The following ACOXL variants were observed in gnomAD, a reference collection of about 807,000 sequenced individuals.
ACOXL encodes the protein acyl-CoA oxidase like, also known as acyl-coenzyme A oxidase-like protein.
A neutral mutation model predicts 71.9 loss-of-function variants in ACOXL; 70 were observed. The observed-to-expected ratio is 0.97, with a 90% confidence interval of 0.80 to 1.19. The LOEUF is 1.19. Among genes scored for constraint, ACOXL ranks in the 50% most tolerant of loss-of-function variants. The pLI is 0.00. For synonymous variants in ACOXL, 253 were observed against 281.6 expected (o/e 0.90, Z 1.02); for missense variants, 703 against 736.3 (o/e 0.95, Z 0.52).
At chr2:111,082,024 A>G (rs2067950501) in intron 16 of ACOXL, among the ~76,000 whole-genome samples, 1 of 152,250 alleles carries the variant, frequency 6.6e-6, no homozygotes, top group African/African-American at 2.4e-5. Context: ...TTAACTCAAG[A>G]TGGATTAAAG....
chr2:110,976,139 C>A (rs1485076256), intron 12 of ACOXL, among the ~76,000 whole-genome samples: 1 of 152,130 alleles, frequency 6.6e-6, no homozygotes, highest in East Asian at 1.9e-4. Flanking sequence ...CAAAGAAAGG[C>A]CTCAAAACCC....
At chr2:111,035,747 ACTTT>A (rs1386006340) in intron 15 of ACOXL, among the ~76,000 whole-genome samples, 1 of 152,224 alleles carries the variant, frequency 6.6e-6, no homozygotes, top group Non-Finnish European at 1.5e-5. Context: ...TTGAAACAAG[ACTTT>A]CTTTGTTAAT....
intron 14 of ACOXL, among the ~76,000 whole-genome samples, chr2:111,030,377 C>T (rs2065209012): frequency 1.3e-5 from 2 of 152,210 alleles, no homozygotes; most frequent in Non-Finnish European, 2.9e-5. Flanking sequence ...GATATCAATT[C>T]AGGGAGCAAA....
chr2:110,750,950 T>A (rs78986398), intron 1 of ACOXL, among the ~76,000 whole-genome samples: 8,188 of 152,062 alleles, frequency 0.054, 353 homozygotes, highest in African/African-American at 0.11. Flanking sequence ...CTCCCAAAGT[T>A]CTGGGATTAC....
intron 11 of ACOXL, among the ~76,000 whole-genome samples, chr2:110,932,191 C>T (rs1380109500): frequency 2.0e-5 from 3 of 152,170 alleles, no homozygotes; most frequent in Non-Finnish European, 1.5e-5. Flanking sequence ...CTCTGCAATT[C>T]CATTTACTTA....
At chr2:111,071,142 A>G (rs1026057393) in intron 16 of ACOXL, among the ~76,000 whole-genome samples, 4 of 152,096 alleles carry the variant, frequency 2.6e-5, no homozygotes, top group African/African-American at 9.7e-5. Context: ...ACACAAGACT[A>G]TTGAGCAGGT....
Position 111,052,250 on chromosome 2 carries a change from C to T in ACOXL, c.1440+2962C>T, listed in dbSNP as rs1225508680. Among the ~76,000 whole-genome samples the T allele has an allele frequency of 3.3e-5, 5 of 152,166 alleles. No individual in the cohort carries two copies. The South Asian group carries it at 1.0e-3, about 32-fold the overall frequency. On this transcript the variant is annotated intron_variant, in intron 16 of 17. Transcript: ENST00000439055. The stretch of plus-strand genomic sequence containing the variant: ...GAAAGCTGGGCTTCTTCCTGCGGGG[C>T]CCACTCAGATGAGCAAATTCATAGA...
rs762689704 is a variant in ACOXL at position 110,995,878 on chromosome 2, G to A, written c.1170-15G>A. The A allele has an allele frequency of 1.6e-5, 26 of 1,600,034 alleles. No individual in the cohort carries two copies. Among genetic ancestry groups the A allele is most frequent in the Middle Eastern group, 1.7e-4 (1 of 6,032 alleles). On this transcript the variant is annotated splice_polypyrimidine_tract_variant and intron_variant, in intron 13 of 17. Coordinates refer to ENST00000439055, the MANE Select transcript of ACOXL (RefSeq NM_001142807.4). ...GGCCAAAATAATAATGATGGTCACC[G>A]TGATTTTCTTTCAGTTTCCTGGCAT...
At chr2:110,738,348 A>G (rs1677122220) in intron 1 of ACOXL, among the ~76,000 whole-genome samples, 1 of 152,232 alleles carries the variant, frequency 6.6e-6, no homozygotes, top group African/African-American at 2.4e-5. Flanking sequence ...ATAGCCATAG[A>G]TAACCAAAAC....
At chr2:110,869,489 T>C (rs1472779254) in intron 10 of ACOXL, among the ~76,000 whole-genome samples, 1 of 152,106 alleles carries the variant, frequency 6.6e-6, no homozygotes, top group Non-Finnish European at 1.5e-5. Flanking sequence ...GTGTGGTGGG[T>C]GAGCTTCCTG....
chr2:110,832,224 C>T (rs1229947872), intron 9 of ACOXL, among the ~76,000 whole-genome samples: 1 of 152,122 alleles, frequency 6.6e-6, no homozygotes, highest in Non-Finnish European at 1.5e-5. Context: ...AGACGTATCA[C>T]TAAGGCATGA....
At position 110,940,840 on chromosome 2, in the gene ACOXL, A is replaced by G. The variant is rs114316948; in HGVS notation, c.1059+7198A>G. Reference sequence around the variant, plus strand: ...TTGGGTTGAATGTTGCAAGAGTAATATTCTGTTACTTAAGGAACGTTCTTA... The same window carrying G: ...TTGGGTTGAATGTTGCAAGAGTAATGTTCTGTTACTTAAGGAACGTTCTTA... On this transcript the variant is annotated intron_variant, in intron 12 of 17. Coordinates refer to ENST00000439055, the MANE Select transcript of ACOXL (RefSeq NM_001142807.4). Among the ~76,000 whole-genome samples, 1,450 of 152,342 alleles carry G rather than the reference A, an allele frequency of 9.5e-3. 13 individuals carry two copies. The highest frequency in any genetic ancestry group is 0.051 in the Middle Eastern group (15 of 294).
chr2:111,113,308 G>C (rs1320148657), intron 17 of ACOXL, among the ~76,000 whole-genome samples: 2 of 152,226 alleles, frequency 1.3e-5, no homozygotes, highest in Admixed American at 6.5e-5. Flanking sequence ...ATACCTGATA[G>C]AGTTGTTATG....
At chr2:110,996,480 T>C (rs1458959071) in intron 14 of ACOXL, among the ~76,000 whole-genome samples, 2 of 152,108 alleles carry the variant, frequency 1.3e-5, no homozygotes, top group South Asian at 2.1e-4. Context: ...CTAGAGGAAA[T>C]TTCCACCAAG....
chr2:110,764,323 T>C (rs1430920281), intron 1 of ACOXL, among the ~76,000 whole-genome samples: 5 of 152,112 alleles, frequency 3.3e-5, no homozygotes, highest in Admixed American at 2.0e-4. Context: ...TGGAATATTA[T>C]TTAGTGCTAA....
intron 1 of ACOXL, among the ~76,000 whole-genome samples, chr2:110,745,390 A>G (rs1388077107): frequency 6.6e-6 from 1 of 152,230 alleles, no homozygotes; most frequent in African/African-American, 2.4e-5. Context: ...GGATTGGCCC[A>G]GTCTAGTCAG....
At chr2:111,028,000 A>G (rs1235899237) in intron 14 of ACOXL, among the ~76,000 whole-genome samples, 1 of 152,058 alleles carries the variant, frequency 6.6e-6, no homozygotes, top group Non-Finnish European at 1.5e-5. Context: ...AGATCCAGCA[A>G]CACAGCAAGA....
intron 10 of ACOXL, among the ~76,000 whole-genome samples, chr2:110,854,599 G>A (rs1261995572): frequency 4.6e-5 from 7 of 152,178 alleles, no homozygotes; most frequent in African/African-American, 1.7e-4. Flanking sequence ...CCATGCTCAT[G>A]GAAAATTTCC....
intron 12 of ACOXL, among the ~76,000 whole-genome samples, chr2:110,982,961 C>T (rs114226577): frequency 0.01 from 1,581 of 152,258 alleles, 24 homozygotes; most frequent in African/African-American, 0.035. Context: ...TTTCATTTTG[C>T]GTTGGGCCCC....
Sources: gnomAD v4.1 joint callset for allele counts (sites outside exome capture counted in the v4.1 genomes callset) on GRCh38, gnomAD v4.1.1 for gene constraint, MANE v1.5 for transcripts, NCBI Gene and HGNC (gene_info 2026-07-23, HGNC 2026-07-21) for gene names.